Variants in POLR3A observed in about 807,000 individuals in gnomAD.
The protein encoded by POLR3A is RNA polymerase III subunit A.
In POLR3A, 112 loss-of-function variants were observed where a neutral mutation model predicts 152.8. The ratio of observed to expected loss-of-function variants is 0.73; its 90% CI spans 0.63 to 0.86. The LOEUF is 0.86. Ranked by LOEUF, POLR3A falls within the 40% of genes least tolerant of loss-of-function variation. POLR3A has a pLI of 0.00. For synonymous variants in POLR3A, 615 were observed against 652.1 expected (o/e 0.94, Z 0.87); for missense variants, 1,385 against 1,743.1 (o/e 0.79, Z 3.66).
At position 77,993,266 on chromosome 10, in the gene POLR3A, GC is replaced by G; in HGVS notation, c.2717del (p.Gly906AlafsTer2). 1 of 1,613,026 alleles carries G rather than the reference GC, an allele frequency of 6.2e-7. No individual in the cohort carries two copies. The highest frequency in any genetic ancestry group is 2.2e-5 in the East Asian group (1 of 44,846). On this transcript the variant is annotated frameshift_variant, in exon 20 of 31. Coordinates refer to ENST00000372371, the MANE Select transcript of POLR3A (RefSeq NM_007055.4). LOFTEE classifies it high-confidence loss of function. ...TTCCCTCCATAGCTGCAGGATCTAA[GC>G]CATCTCCTCCATAAATGAACTGGAT... Reference protein sequence around the residue: ...DIIQFIYGGDGLDPAAMEGKD... With the variant: ...DIIQFIYGGDXLDPAAMEGKD...
rs757619409 is a variant in POLR3A at position 77,976,629 on chromosome 10, G to GT, written c.*848dup. ...ATCAACTAGAGATCATCCAAGGAAC[G>GT]TAAGTATAATTCTACAAAAAACCAT... On this transcript the variant is annotated 3_prime_UTR_variant, in exon 31 of 31. Transcript: ENST00000372371. The GT allele has an allele frequency of 6.6e-6, 1 of 152,208 alleles. No individual in the cohort carries two copies. Among genetic ancestry groups the GT allele is most frequent in the African/African-American group, 2.4e-5 (1 of 41,464 alleles). 9.4% of individuals were successfully genotyped at this position (152,208 alleles called of 1,614,324 possible). A position where few individuals can be genotyped will look rare whatever the true frequency, so the allele number is the denominator to read the frequency against.
intron 15 of POLR3A, among the ~76,000 whole-genome samples, chr10:78,006,326 G>A (rs1277279596): frequency 6.7e-6 from 1 of 150,234 alleles, no homozygotes; most frequent in Non-Finnish European, 1.5e-5. Flanking sequence ...GAGCCTGGGA[G>A]GCGGAGGTTG....
chr10:78,005,039 T>TTCA, intron 15 of POLR3A, 151 bp from the exon 16 acceptor site: 1 of 700,718 alleles, frequency 1.4e-6, no homozygotes, highest in Non-Finnish European at 2.6e-6. Flanking sequence ...CTTCACAGAA[T>TTCA]TCATCACAAT....
chr10:78,013,369 A>G (rs1412104892), intron 11 of POLR3A: 2 of 451,500 alleles, frequency 4.4e-6, no homozygotes, highest in East Asian at 4.4e-5. Context: ...TCATGTATAC[A>G]TTTTCTCCCA....
intron 5 of POLR3A, among the ~76,000 whole-genome samples, chr10:78,022,682 G>T (rs1289132285): frequency 1.3e-5 from 2 of 152,060 alleles, no homozygotes; most frequent in Non-Finnish European, 2.9e-5. Flanking sequence ...TTTTTTATCC[G>T]TGTGACAGAA....
At chr10:78,020,766 C>A (rs150231366) in intron 8 of POLR3A, among the ~76,000 whole-genome samples, 1 of 151,884 alleles carries the variant, frequency 6.6e-6, no homozygotes, top group South Asian at 2.1e-4. Flanking sequence ...CCAGCCTGGG[C>A]GACAGAGCGA....
chr10:77,982,813 T>G lies in POLR3A; in HGVS notation c.3434A>C (p.Asn1145Thr), dbSNP rs1847160760. The G allele has an allele frequency of 6.2e-7, 1 of 1,614,006 alleles. No individual in the cohort carries two copies. Among genetic ancestry groups the G allele is most frequent in the South Asian group, 1.1e-5 (1 of 91,070 alleles). The change falls in exon 27 of 31, where the codon AAC becomes ACC. Residue 1145 changes from asparagine to threonine, a missense_variant. Coordinates refer to ENST00000372371, the MANE Select transcript of POLR3A (RefSeq NM_007055.4). ...GATGGAATATCTCACTGTCTCAGCG[T>G]TCACCTGCAACATGGCCAGGTGTAG... ...ERIRLLRLEV[N>T]AETVRYSICT...
intron 18 of POLR3A, among the ~76,000 whole-genome samples, chr10:78,000,399 G>A (rs1469084755): frequency 1.3e-5 from 2 of 152,204 alleles, no homozygotes; most frequent in East Asian, 3.9e-4. Flanking sequence ...CTTAAAATAG[G>A]CAAGCAGTCA....
chr10:78,015,481 C>A (rs532966070), intron 10 of POLR3A, among the ~76,000 whole-genome samples: 4 of 151,938 alleles, frequency 2.6e-5, no homozygotes, highest in African/African-American at 9.7e-5. Flanking sequence ...GCACGTGCCA[C>A]CACACCCGGC....
At chr10:77,999,909 T>C (rs1485546799) in intron 19 of POLR3A, 72 bp downstream of exon 19, 4 of 1,430,044 alleles carry the variant, frequency 2.8e-6, no homozygotes, top group Non-Finnish European at 3.9e-6. Context: ...GTGCAAAACG[T>C]GTACTCAATA....
chr10:77,992,278 T>C (rs186917381), intron 20 of POLR3A, among the ~76,000 whole-genome samples: 32 of 150,788 alleles, frequency 2.1e-4, no homozygotes, highest in African/African-American at 7.5e-4. Flanking sequence ...TTTTCATCTT[T>C]TTTTTTTTTT....
chr10:78,013,571 G>C, intron 11 of POLR3A, 79 bp downstream of exon 11: 1 of 1,426,078 alleles, frequency 7.0e-7, no homozygotes, highest in Non-Finnish European at 9.9e-7. Flanking sequence ...GTTAGTTGTG[G>C]TGGTGTTTTC....
intron 15 of POLR3A, among the ~76,000 whole-genome samples, chr10:78,007,014 T>G (rs933405454): frequency 6.6e-6 from 1 of 151,960 alleles, no homozygotes; most frequent in East Asian, 1.9e-4. Context: ...AGAGGCTGCG[T>G]GAGCCAAGAT....
At chr10:78,011,161 T>C (rs1847463235) in intron 11 of POLR3A, among the ~76,000 whole-genome samples, 2 of 152,178 alleles carry the variant, frequency 1.3e-5, no homozygotes, top group South Asian at 4.1e-4. Context: ...TTGTTATTAC[T>C]ATAGGTGCTT....
chr10:78,010,595 C>A, intron 11 of POLR3A, 55 bp from the exon 12 acceptor site: 1 of 1,241,892 alleles, frequency 8.1e-7, no homozygotes, highest in South Asian at 1.2e-5. Context: ...TGATGCAGCC[C>A]AAAGCCTGAA....
intron 21 of POLR3A, among the ~76,000 whole-genome samples, chr10:77,986,857 C>A (rs1667288127): frequency 6.6e-6 from 1 of 152,144 alleles, no homozygotes; most frequent in South Asian, 2.1e-4. Flanking sequence ...ACTCTCAGCC[C>A]CGGGAGGATG....
At chr10:77,999,747 G>A (rs183011791) in intron 19 of POLR3A, among the ~76,000 whole-genome samples, 25 of 152,126 alleles carry the variant, frequency 1.6e-4, no homozygotes, top group Non-Finnish European at 3.5e-4. Flanking sequence ...CTCTAACAGC[G>A]CTTTGCTATG....
At chr10:77,993,427 G>T in intron 19 of POLR3A, 60 bp from the exon 20 acceptor site, 1 of 1,296,412 alleles carries the variant, frequency 7.7e-7, no homozygotes, top group Non-Finnish European at 1.1e-6. Context: ...ATGGGGAGAG[G>T]ATAAGATTTG....
At position 78,025,043 on chromosome 10, in the gene POLR3A, G is replaced by T; in HGVS notation, c.418C>A (p.Arg140=). Residue 140 remains arginine, a synonymous_variant, in exon 4 of 31, where the codon CGA becomes AGA. Coordinates refer to ENST00000372371, the MANE Select transcript of POLR3A (RefSeq NM_007055.4). The part of the protein sequence containing the change: ...KRPGLTYLQK[R]GLKKKISDKC... ...TCAGAGATTTTCTTTTTCAGTCCTC[G>T]CTTCTGAAGGTAGGTCAGGCCGGGC... 6.2e-7 allele frequency: 1 copy of T among 1,614,080 alleles called. No homozygotes were observed. Among genetic ancestry groups the T allele is most frequent in the Non-Finnish European group, 8.5e-7 (1 of 1,180,006 alleles).
Sources: allele counts gnomAD v4.1 joint callset (sites outside exome capture counted in the v4.1 genomes callset), GRCh38; gene constraint gnomAD v4.1.1; transcripts MANE v1.5; gene names NCBI Gene and HGNC (gene_info 2026-07-23, HGNC 2026-07-21).